ADAMTS1: variants seen among roughly 807,000 people sequenced by gnomAD.
ADAMTS1 encodes the protein ADAM metallopeptidase with thrombospondin type 1 motif 1, also known as A disintegrin and metalloproteinase with thrombospondin motifs 1.
Under a neutral mutation model 87.9 loss-of-function variants are expected in ADAMTS1, and 19 were observed. The observed-to-expected ratio is 0.22, with a 90% CI of 0.15 to 0.32. ADAMTS1 has a LOEUF of 0.32. ADAMTS1 is among the 10% of genes least tolerant of loss of function. ADAMTS1 has a pLI of 1.00. For synonymous variants in ADAMTS1, 542 were observed against 501.8 expected, an observed-to-expected ratio of 1.08 and a Z score of -1.07; for missense variants, 1,240 against 1,259.1, an observed-to-expected ratio of 0.98 and a Z score of 0.23.
rs1985356998 is a variant in ADAMTS1, at chr21:26,836,009, AAAG to A, written c.*1567_*1569del. On this transcript the variant is annotated 3_prime_UTR_variant, in exon 9 of 9. Transcript: ENST00000284984. ...AATATTTACCATTTGGCTTTTTACA[AAAG>A]AAGTTTGCCAACCACTGATGTATAT... 6.6e-6 allele frequency: 1 copy of A among 152,222 alleles called. No homozygotes were observed. Among genetic ancestry groups the A allele is most frequent in the Non-Finnish European group, 1.5e-5 (1 of 68,044 alleles). The allele number at this position is 152,222 out of a possible 1,614,324, so 9.4% of individuals were successfully genotyped here. A position where few individuals can be genotyped will look rare whatever the true frequency, so the allele number is the denominator to read the frequency against.
chr21:26,844,156 A>C, intron 1 of ADAMTS1, 69 bp downstream of exon 1: 2 of 1,494,886 alleles, frequency 1.3e-6, no homozygotes, highest in Non-Finnish European at 1.8e-6. Context: ...TCTACCCTGA[A>C]GTCGCGTGGG....
At position 26,835,932 on chromosome 21, in the gene ADAMTS1, T is replaced by A. The variant is rs1024776363; in HGVS notation, c.*1647A>T. ...CTACAACAGCACAGTTGAGCAGTTG[T>A]GACATAGATGGTATTGACAGGATAG... On this transcript the variant is annotated 3_prime_UTR_variant, in exon 9 of 9. Coordinates refer to ENST00000284984, the MANE Select transcript of ADAMTS1 (RefSeq NM_006988.5). 1 of 152,210 alleles carries A rather than the reference T, an allele frequency of 6.6e-6. No individual in the cohort carries two copies. Among genetic ancestry groups the A allele is most frequent in the Non-Finnish European group, 1.5e-5 (1 of 68,036 alleles). 9.4% of individuals were successfully genotyped at this position (152,210 alleles called of 1,614,324 possible).
At chr21:26,842,205 G>A in intron 2 of ADAMTS1, 134 bp downstream of exon 2, 1 of 1,029,750 alleles carries the variant, frequency 9.7e-7, no homozygotes, top group East Asian at 2.6e-5. Flanking sequence ...GTAGAAATGA[G>A]TAAGATAAAC....
In ADAMTS1 at chr21:26,841,971, G is replaced by T. The variant is rs1005835011; in HGVS notation, c.1097C>A (p.Thr366Lys). 1 of 1,613,996 alleles carries T rather than the reference G, an allele frequency of 6.2e-7. No individual in the cohort carries two copies. Among genetic ancestry groups the T allele is most frequent in the Non-Finnish European group, 8.5e-7 (1 of 1,180,008 alleles). The change falls in exon 3 of 9, where the codon ACA becomes AAA. Residue 366 changes from threonine (T) to lysine (K), a missense_variant. Physicochemically the swap from Thr to Lys is moderately conservative, Grantham distance 78. Transcript: ENST00000284984. ...ATCAGCCATCCCAAGAGTATCACAT[G>T]TCTGGGACCCACACAAGTCCTACAA... ...FTRQDLCGSQ[T>K]CDTLGMADVG... is the part of the protein sequence containing the mutation.
chr21:26,843,644 G>A (rs1177190593), intron 1 of ADAMTS1: 2 of 462,726 alleles, frequency 4.3e-6, no homozygotes, highest in Non-Finnish European at 9.0e-6. Context: ...TTCTGCGAAG[G>A]GGCCCCACCG....
intron 1 of ADAMTS1, 144 bp from the exon 2 acceptor site, chr21:26,842,829 C>A: frequency 1.5e-6 from 1 of 664,690 alleles, no homozygotes; most frequent in Admixed American, 2.9e-5. Flanking sequence ...ATTTGCATAT[C>A]TTCACTCCAA....
chr21:26,838,649 A>T (rs1357779046), intron 7 of ADAMTS1, 35 bp from the exon 8 acceptor site: 1 of 1,594,922 alleles, frequency 6.3e-7, no homozygotes, highest in Admixed American at 1.7e-5. Flanking sequence ...GTTACATACA[A>T]GCAAAGGAAG....
At chr21:26,840,660 C>G in intron 4 of ADAMTS1, 98 bp from the exon 5 acceptor site, 2 of 1,358,282 alleles carry the variant, frequency 1.5e-6, no homozygotes, top group Non-Finnish European at 1.0e-6. Context: ...AGAAAATAGA[C>G]AGCAAAGTGA....
In ADAMTS1 at chr21:26,840,013, A is replaced by T; in HGVS notation, c.1714T>A (p.Ser572Thr). 1 of 1,614,092 alleles carries T rather than the reference A, an allele frequency of 6.2e-7. No individual in the cohort carries two copies. Among genetic ancestry groups the T allele is most frequent in the Non-Finnish European group, 8.5e-7 (1 of 1,180,034 alleles). ...WGMWGPWGDC[S>T]RTCGGGVQYT... Reference sequence around the variant, plus strand: ...TGGACTCCTCCACCGCACGTTCTCGAACAGTCTCCCCAAGGCCCCCACATT... The same window carrying T: ...TGGACTCCTCCACCGCACGTTCTCGTACAGTCTCCCCAAGGCCCCCACATT... The change falls in exon 6 of 9, where the codon TCG becomes ACG. Residue 572 changes from serine (S) to threonine (T), a missense_variant. By Grantham distance (58) the Ser-to-Thr change is moderately conservative (BLOSUM62 1). Around this residue, in one of 3 missense-constraint regions of ADAMTS1, gnomAD observed 317 missense variants for 410.3 expected, o/e 0.77. Transcript: ENST00000284984.
chr21:26,839,506 G>A, intron 7 of ADAMTS1, 81 bp downstream of exon 7: 1 of 1,302,114 alleles, frequency 7.7e-7, no homozygotes, highest in Non-Finnish European at 1.0e-6. Context: ...GGAAAGCAAA[G>A]AAAGTATAAC....
At chr21:26,843,879 A>T (rs1985549930) in intron 1 of ADAMTS1, 1 of 468,820 alleles carries the variant, frequency 2.1e-6, no homozygotes, top group Non-Finnish European at 4.1e-6. Flanking sequence ...ATCATTAAAA[A>T]GAAATACACA....
intron 1 of ADAMTS1, chr21:26,842,887 C>T: frequency 3.4e-6 from 2 of 583,918 alleles, no homozygotes; most frequent in Non-Finnish European, 6.0e-6. Flanking sequence ...AAAGACCACG[C>T]GCTCCTTTGC....
At chr21:26,838,841 C>T (rs1039493898) in intron 7 of ADAMTS1, 3 of 438,712 alleles carry the variant, frequency 6.8e-6, no homozygotes, top group Admixed American at 7.5e-5. Context: ...TATCTATTGA[C>T]CTATGTCTCC....
At chr21:26,838,659 G>A (rs1264436934) in intron 7 of ADAMTS1, 45 bp from the exon 8 acceptor site, 1 of 1,576,358 alleles carries the variant, frequency 6.3e-7, no homozygotes, top group South Asian at 1.1e-5. Context: ...AGCAAAGGAA[G>A]GAGATGCTGC....
At position 26,845,177 on chromosome 21, in the gene ADAMTS1, A is replaced by C. The variant is rs1324439001; in HGVS notation, c.-223T>G. ...GCGCGGGAAGTTTTTCTTCCAGCGC[A>C]AAGTTGGAGACACTGAGAGGCAGGC... is the stretch of plus-strand genomic sequence containing the variant. On this transcript the variant is annotated 5_prime_UTR_variant, in exon 1 of 9. Transcript: ENST00000284984. 1.6e-5 allele frequency: 8 copies of C among 507,422 alleles called. No homozygotes were observed. Among genetic ancestry groups the C allele is most frequent in the South Asian group, 9.1e-5 (1 of 11,002 alleles). 31.4% of individuals were successfully genotyped at this position (507,422 alleles called of 1,614,324 possible).
At position 26,844,846 on chromosome 21, in the gene ADAMTS1, G is replaced by A; in HGVS notation, c.109C>T (p.Leu37=). Residue 37 remains leucine (L), a synonymous_variant, in exon 1 of 9, where the codon CTG becomes TTG. Transcript: ENST00000284984. ...GCCAGTAGCGCCGCGGCGAGCAGCA[G>A]CAGCGTGGGTACTGGCCCAAAGCTC... ...SRSFGPVPTL[L]LLAAALLAVS... is the part of the protein sequence containing the mutation. 1 of 1,559,624 alleles carries A rather than the reference G, an allele frequency of 6.4e-7. No individual in the cohort carries two copies.
At chr21:26,842,219 G>A (rs968816367) in intron 2 of ADAMTS1, 120 bp downstream of exon 2, 16 of 1,069,292 alleles carry the variant, frequency 1.5e-5, no homozygotes, top group Non-Finnish European at 2.0e-5. Flanking sequence ...GATAAACCAT[G>A]CTAGCCAATT....
chr21:26,841,356 GTAATCCCAGC>G (rs1408529502), intron 3 of ADAMTS1, 191 bp from the exon 4 acceptor site: 2 of 540,038 alleles, frequency 3.7e-6, no homozygotes, highest in African/African-American at 3.8e-5. Flanking sequence ...GCATGCACCT[GTAATCCCAGC>G]TACTGGGCAT....
chr21:26,838,864 C>A (rs1211891200), intron 7 of ADAMTS1: 1 of 383,060 alleles, frequency 2.6e-6, no homozygotes, highest in Non-Finnish European at 4.7e-6. Context: ...CAGCTAAGGT[C>A]AATGAAAGTA....
Sources: allele counts gnomAD v4.1 joint callset, GRCh38; gene constraint gnomAD v4.1.1; regional missense constraint gnomAD v4.1.1; transcripts MANE v1.5; gene names NCBI Gene and HGNC (gene_info 2026-07-23, HGNC 2026-07-21).